KSR2: variants seen among roughly 807,000 people sequenced by gnomAD.
KSR2 encodes kinase suppressor of ras 2.
In KSR2, 25 loss-of-function variants were observed where a neutral mutation model predicts 107.8. The ratio of observed to expected loss-of-function variants is 0.23; its 90% CI spans 0.17 to 0.32. The LOEUF (loss-of-function observed/expected upper bound fraction) is 0.32. Ranked by LOEUF, KSR2 falls within the 10% of genes least tolerant of loss-of-function variation. The pLI is 1.00. For synonymous variants in KSR2, 480 were observed against 507.0 expected, an observed-to-expected ratio of 0.95 and a Z score of 0.71; for missense variants, 887 against 1,268.9, an observed-to-expected ratio of 0.70 and a Z score of 4.57.
intron 14 of KSR2, among the ~76,000 whole-genome samples, chr12:117,519,003 T>C (rs1874566621): frequency 6.6e-6 from 1 of 152,242 alleles, no homozygotes. Flanking sequence ...TTGTTTAACT[T>C]GTTATTGTCT....
At chr12:117,908,223 A>T (rs895260088) in intron 1 of KSR2, among the ~76,000 whole-genome samples, 2 of 152,070 alleles carry the variant, frequency 1.3e-5, no homozygotes, top group African/African-American at 2.4e-5. Flanking sequence ...AACTCAGGAA[A>T]AATAATTTAA....
intron 5 of KSR2, among the ~76,000 whole-genome samples, chr12:117,639,056 T>C (rs1883237859): frequency 6.6e-6 from 1 of 152,068 alleles, no homozygotes; most frequent in African/African-American, 2.4e-5. Flanking sequence ...AAATAAAACT[T>C]TATTTTACAA....
At chr12:117,722,120 C>T (rs377553558) in intron 4 of KSR2, among the ~76,000 whole-genome samples, 4 of 152,026 alleles carry the variant, frequency 2.6e-5, no homozygotes, top group South Asian at 2.1e-4. Context: ...GTGATCCTCC[C>T]GCCTCGTTCT....
At chr12:117,790,890 C>T (rs1001499212) in intron 3 of KSR2, among the ~76,000 whole-genome samples, 1 of 152,196 alleles carries the variant, frequency 6.6e-6, no homozygotes, top group Non-Finnish European at 1.5e-5. Flanking sequence ...CACCTCACAC[C>T]TGGACAACTG....
intron 4 of KSR2, among the ~76,000 whole-genome samples, chr12:117,689,727 T>C (rs905276500): frequency 2.1e-5 from 3 of 146,006 alleles, no homozygotes; most frequent in African/African-American, 8.1e-5. Flanking sequence ...TAAATATAAA[T>C]ATAAATATAA....
rs371018072 is a variant in KSR2 at position 117,871,982 on chromosome 12, T to A, written c.181-11551A>T. ...TATTTTTCTATAAGCCTGAATTACCTATATGATAGTAAGTTACAAATCACT... is the reference window on the plus strand; with the variant it reads ...TATTTTTCTATAAGCCTGAATTACCAATATGATAGTAAGTTACAAATCACT... On this transcript the variant is annotated intron_variant, in intron 1 of 19. Coordinates refer to ENST00000339824, the MANE Select transcript of KSR2 (RefSeq NM_173598.6). 6.8e-4 allele frequency among the ~76,000 whole-genome samples: 103 copies of A among 152,328 alleles called. 2 individuals carry two copies. The highest frequency in any genetic ancestry group is 2.3e-3 in the African/African-American group (95 of 41,578).
rs145359134 is a variant in KSR2 at position 117,773,862 on chromosome 12, T to C, written c.473-12338A>G. ...CTAGTAGTACAAATGACAATTACTGTTTGCTGTGCCCCTACCATGTGCCAG... is the reference window on the plus strand; with the variant it reads ...CTAGTAGTACAAATGACAATTACTGCTTGCTGTGCCCCTACCATGTGCCAG... On this transcript the variant is annotated intron_variant, in intron 3 of 19. Transcript: ENST00000339824. Among the ~76,000 whole-genome samples, 426 of 150,030 alleles carry C rather than the reference T, an allele frequency of 2.8e-3. 6 individuals carry two copies. Among genetic ancestry groups the C allele is most frequent in the African/African-American group, 9.6e-3 (400 of 41,494 alleles).
At chr12:117,499,453 C>G (rs1376282019) in intron 14 of KSR2, among the ~76,000 whole-genome samples, 2 of 152,136 alleles carry the variant, frequency 1.3e-5, no homozygotes, top group Non-Finnish European at 2.9e-5. Flanking sequence ...TAGAGTAAAA[C>G]CAGACACATA....
chr12:117,921,343 G>T (rs1231523361), intron 1 of KSR2, among the ~76,000 whole-genome samples: 2 of 152,218 alleles, frequency 1.3e-5, no homozygotes, highest in African/African-American at 4.8e-5. Flanking sequence ...TAAATGTTCA[G>T]TAAATATTAA....
intron 5 of KSR2, among the ~76,000 whole-genome samples, chr12:117,651,162 CCCCAA>C (rs1484110559): frequency 6.6e-6 from 1 of 152,214 alleles, no homozygotes; most frequent in Non-Finnish European, 1.5e-5. Context: ...AACATCCCCT[CCCCAA>C]CCCATGCTGC....
chr12:117,571,163 C>T (rs139201322), intron 7 of KSR2, among the ~76,000 whole-genome samples: 458 of 152,122 alleles, frequency 3.0e-3, no homozygotes, highest in African/African-American at 0.01. Flanking sequence ...GAGGCGGAGG[C>T]GGGAGAATTG....
At chr12:117,888,628 G>T (rs1256407251) in intron 1 of KSR2, among the ~76,000 whole-genome samples, 2 of 152,222 alleles carry the variant, frequency 1.3e-5, no homozygotes, top group South Asian at 4.1e-4. Context: ...TGAGGACACA[G>T]AAAGAAGGTG....
At chr12:117,736,438 CTAT>C in intron 4 of KSR2, among the ~76,000 whole-genome samples, 1 of 152,284 alleles carries the variant, frequency 6.6e-6, no homozygotes, top group Middle Eastern at 3.4e-3. Flanking sequence ...GACCGAGTAA[CTAT>C]TCGTTGAATT....
intron 1 of KSR2, among the ~76,000 whole-genome samples, chr12:117,965,036 T>C (rs1182952650): frequency 6.6e-6 from 1 of 152,240 alleles, no homozygotes; most frequent in Non-Finnish European, 1.5e-5. Flanking sequence ...ATCCTGGTGG[T>C]GGTCCCACTT....
At chr12:117,470,386 T>TATCCATCCATCC (rs570501324) in intron 18 of KSR2, among the ~76,000 whole-genome samples, 1 of 149,490 alleles carries the variant, frequency 6.7e-6, no homozygotes, top group African/African-American at 2.5e-5. Context: ...CATCCTTCAT[T>TATCCATCCATCC]ATCCATCCAT....
chr12:117,767,091 G>A (rs113234762), intron 3 of KSR2, among the ~76,000 whole-genome samples: 3,869 of 150,884 alleles, frequency 0.026, 176 homozygotes, highest in African/African-American at 0.088. Context: ...GAGCCACTGC[G>A]CCCAGCCAAG....
chr12:117,820,702 T>C (rs978897435), intron 3 of KSR2, among the ~76,000 whole-genome samples: 5 of 151,652 alleles, frequency 3.3e-5, no homozygotes, highest in African/African-American at 1.2e-4. Flanking sequence ...CAGAGGTTCA[T>C]CAACTTACAA....
At chr12:117,932,669 C>T (rs1016475320) in intron 1 of KSR2, among the ~76,000 whole-genome samples, 2 of 152,186 alleles carry the variant, frequency 1.3e-5, no homozygotes, top group African/African-American at 4.8e-5. Context: ...CTGCAGTGAG[C>T]TGTGATCACG....
chr12:117,688,152 G>T (rs778816024), intron 4 of KSR2, among the ~76,000 whole-genome samples: 22 of 152,206 alleles, frequency 1.4e-4, no homozygotes, highest in Non-Finnish European at 2.6e-4. Context: ...GGCTGAGATG[G>T]GTGGATCACT....
Sources: gnomAD v4.1 joint callset for allele counts (sites outside exome capture counted in the v4.1 genomes callset) on GRCh38, gnomAD v4.1.1 for gene constraint, MANE v1.5 for transcripts, NCBI Gene and HGNC (gene_info 2026-07-23, HGNC 2026-07-21) for gene names.